The following UGT2A1 variants were observed in gnomAD, a reference collection of about 807,000 sequenced individuals.
UGT2A1 encodes the protein UDP glucuronosyltransferase family 2 member A1 complex locus.
Under a neutral mutation model 45.4 loss-of-function variants are expected in UGT2A1, and 61 were observed. The ratio of observed to expected loss-of-function variants is 1.34; its 90% CI spans 1.09 to 1.66. UGT2A1 has a LOEUF of 1.66. UGT2A1 is among the 40% of genes most tolerant of loss of function. UGT2A1 has a pLI of 0.00. For synonymous variants in UGT2A1, 229 were observed against 196.2 expected (o/e 1.17, Z -1.40); for missense variants, 649 against 574.3 (o/e 1.13, Z -1.33).
At chr4:69,627,540 G>GAA (rs746139070) in intron 3 of UGT2A1, among the ~76,000 whole-genome samples, 7 of 140,398 alleles carry the variant, frequency 5.0e-5, no homozygotes, top group East Asian at 4.1e-4. Flanking sequence ...AAGAAAGAGA[G>GAA]AGAGAGAAAG....
chr4:69,638,491 T>C (rs1250817332), intron 2 of UGT2A1, among the ~76,000 whole-genome samples: 2 of 152,124 alleles, frequency 1.3e-5, no homozygotes, highest in Middle Eastern at 3.2e-3. Context: ...GATTCTATGC[T>C]TTTCAAAGCT....
At chr4:69,605,110 G>A in intron 3 of UGT2A1, among the ~76,000 whole-genome samples, 1 of 136,878 alleles carries the variant, frequency 7.3e-6, no homozygotes, top group East Asian at 2.1e-4. Context: ...CAAATCAACA[G>A]AATATACATT....
chr4:69,618,211 G>GTA (rs762836387), intron 3 of UGT2A1, among the ~76,000 whole-genome samples: 9 of 113,222 alleles, frequency 7.9e-5, no homozygotes, highest in East Asian at 3.0e-4. Flanking sequence ...GTGTGTGTGT[G>GTA]TGTGTATGTT....
chr4:69,601,240 T>C (rs1323571814), intron 3 of UGT2A1, among the ~76,000 whole-genome samples: 1 of 152,078 alleles, frequency 6.6e-6, no homozygotes, highest in African/African-American at 2.4e-5. Flanking sequence ...TTCCCTCTGA[T>C]CCTCACTGTG....
intron 2 of UGT2A1, among the ~76,000 whole-genome samples, chr4:69,638,273 A>T (rs2109967230): frequency 6.6e-6 from 1 of 152,262 alleles, no homozygotes; most frequent in African/African-American, 2.4e-5. Context: ...AAAATAAGTA[A>T]TATAAACAAC....
At chr4:69,634,142 G>A (rs1221692717) in intron 3 of UGT2A1, among the ~76,000 whole-genome samples, 1 of 152,070 alleles carries the variant, frequency 6.6e-6, no homozygotes, top group African/African-American at 2.4e-5. Flanking sequence ...CTACTCCGGA[G>A]GCTGAGGCAG....
At chr4:69,643,692 G>A (rs895455090) in intron 2 of UGT2A1, among the ~76,000 whole-genome samples, 2 of 151,508 alleles carry the variant, frequency 1.3e-5, no homozygotes, top group African/African-American at 4.8e-5. Flanking sequence ...CAGAGATTAA[G>A]GACTCACTCT....
intron 4 of UGT2A1, among the ~76,000 whole-genome samples, chr4:69,597,205 G>A (rs1401929489): frequency 6.6e-6 from 1 of 152,038 alleles, no homozygotes; most frequent in Non-Finnish European, 1.5e-5. Flanking sequence ...TGTTTAAAAT[G>A]GCATCTAATT....
rs1318753400 is a variant in UGT2A1, at chr4:69,602,655, T to C, written c.848-3261A>G. On this transcript the variant is annotated intron_variant, in intron 3 of 6. Coordinates refer to ENST00000286604, the MANE Select transcript of UGT2A1 (RefSeq NM_001252275.3). ...GTAAACGAAGATTTAATTTAAAAAC[T>C]AAATTTCCACTGAAAAACTTGGAAT... Among the ~76,000 whole-genome samples the C allele has an allele frequency of 8.0e-5, 11 of 137,580 alleles. 1 individual carries two copies. The highest frequency in any genetic ancestry group is 1.2e-4 in the Non-Finnish European group (8 of 64,524). 90.3% of individuals were successfully genotyped at this position (137,580 alleles called of 152,430 possible). A position where few individuals can be genotyped will look rare whatever the true frequency, so the allele number is the denominator to read the frequency against.
intron 2 of UGT2A1, among the ~76,000 whole-genome samples, chr4:69,640,991 A>G (rs978981967): frequency 6.6e-6 from 1 of 151,966 alleles, no homozygotes; most frequent in Non-Finnish European, 1.5e-5. Flanking sequence ...AAAACATTAT[A>G]GAAAACATGA....
chr4:69,616,637 T>A (rs1160091093), intron 3 of UGT2A1, among the ~76,000 whole-genome samples: 1 of 151,910 alleles, frequency 6.6e-6, no homozygotes, highest in East Asian at 1.9e-4. Context: ...ACCCATTCAA[T>A]TAATTTGAGA....
At chr4:69,612,900 C>G (rs1231043649) in intron 3 of UGT2A1, among the ~76,000 whole-genome samples, 1 of 93,558 alleles carries the variant, frequency 1.1e-5, no homozygotes, top group Non-Finnish European at 2.2e-5. Context: ...AATAAAGAAC[C>G]TCTGCAGAAA....
rs1456558136 is a variant in UGT2A1 at position 69,595,701 on chromosome 4, GA to G, written c.997-453del. On this transcript the variant is annotated intron_variant, in intron 4 of 6. Coordinates refer to ENST00000286604, the MANE Select transcript of UGT2A1 (RefSeq NM_001252275.3). ...AAGGTTAATTGAATAACATAAGTCA[GA>G]AATTGCATGTTGTTGGACTATAATA... Among the ~76,000 whole-genome samples, 4 of 152,184 alleles carry G rather than the reference GA, an allele frequency of 2.6e-5. No individual in the cohort carries two copies. In the East Asian group the frequency reaches 7.7e-4, roughly 29 times the overall value.
chr4:69,594,632 G>C lies in UGT2A1; in HGVS notation c.1149C>G (p.Tyr383Ter). 1 of 1,614,118 alleles carries C rather than the reference G, an allele frequency of 6.2e-7. No individual in the cohort carries two copies. Among genetic ancestry groups the C allele is most frequent in the Non-Finnish European group, 8.5e-7 (1 of 1,180,026 alleles). The change falls in exon 6 of 7, where the codon TAC becomes TAG. Residue 383 changes from tyrosine to a stop codon, truncating the protein, a stop_gained. Coordinates refer to ENST00000286604, the MANE Select transcript of UGT2A1 (RefSeq NM_001252275.3). LOFTEE classifies it high-confidence loss of function. ...GGTNGIYEAIYHGVPMVGVPM... is the reference protein window; with the variant it reads ...GGTNGIYEAI ...GAACTCCCACCATAGGGACTCCGTG[G>C]TAAATAGCTTCGTAGATCCCATTAG...
intron 2 of UGT2A1, among the ~76,000 whole-genome samples, chr4:69,644,253 T>C (rs771699907): frequency 3.3e-4 from 50 of 151,792 alleles, no homozygotes; most frequent in Non-Finnish European, 6.5e-4. Flanking sequence ...AAATGGAACA[T>C]GTGATTCTGA....
In UGT2A1 at chr4:69,604,009, T is replaced by G. The variant is rs1406704318; in HGVS notation, c.848-4615A>C. Among the ~76,000 whole-genome samples, 2 of 136,364 alleles carry G rather than the reference T, an allele frequency of 1.5e-5. 1 individual carries two copies. Among genetic ancestry groups the G allele is most frequent in the African/African-American group, 5.9e-5 (2 of 33,622 alleles). 89.5% of individuals were successfully genotyped at this position (136,364 alleles called of 152,430 possible). On this transcript the variant is annotated intron_variant, in intron 3 of 6. Coordinates refer to ENST00000286604, the MANE Select transcript of UGT2A1 (RefSeq NM_001252275.3). Reference sequence around the variant, plus strand: ...AAACACTCTGCAGGATATTATCCAGTAGAACCTCCCCAGTCTAGCAAGGAA... The same window carrying G: ...AAACACTCTGCAGGATATTATCCAGGAGAACCTCCCCAGTCTAGCAAGGAA...
At chr4:69,642,749 T>C (rs1335377293) in intron 2 of UGT2A1, among the ~76,000 whole-genome samples, 2 of 151,594 alleles carry the variant, frequency 1.3e-5, no homozygotes, top group Non-Finnish European at 3.0e-5. Context: ...CACCTAATTA[T>C]TCATATATAA....
chr4:69,618,205 G>GTGTGTGTATGTT (rs1553905689), intron 3 of UGT2A1, among the ~76,000 whole-genome samples: 144 of 87,974 alleles, frequency 1.6e-3, no homozygotes, highest in African/African-American at 5.9e-3. Context: ...GTGTGTGTGT[G>GTGTGTGTATGTT]TGTGTGTGTG....
intron 3 of UGT2A1, among the ~76,000 whole-genome samples, chr4:69,611,449 A>T (rs1034076322): frequency 3.3e-5 from 5 of 152,034 alleles, no homozygotes; most frequent in African/African-American, 7.3e-5. Flanking sequence ...ATGATAAGAA[A>T]AAAAAACTAA....
Sources: gnomAD v4.1 joint callset for allele counts (sites outside exome capture counted in the v4.1 genomes callset) on GRCh38, gnomAD v4.1.1 for gene constraint, MANE v1.5 for transcripts, NCBI Gene and HGNC (gene_info 2026-07-23, HGNC 2026-07-21) for gene names.